The following PTK2B variants were observed in gnomAD, a reference collection of about 807,000 sequenced individuals.
PTK2B encodes the protein protein-tyrosine kinase 2-beta.
In PTK2B, 71 loss-of-function variants were observed where a neutral mutation model predicts 142.9. That is an observed-to-expected ratio of 0.50 (90% CI 0.41 to 0.61). The LOEUF (loss-of-function observed/expected upper bound fraction) is 0.61. Among genes scored for constraint, PTK2B ranks in the 20% least tolerant of loss-of-function variants. The probability of loss-of-function intolerance (pLI) is 0.00; values close to 1 mark genes in which losing one functional copy is unlikely to be tolerated. For missense variants in PTK2B, 1,105 were observed against 1,320.4 expected (o/e 0.84, Z 2.53); for synonymous variants, 519 against 503.4 (o/e 1.03, Z -0.42).
intron 1 of PTK2B, among the ~76,000 whole-genome samples, chr8:27,381,072 A>G (rs574213441): frequency 6.6e-6 from 1 of 152,308 alleles, no homozygotes; most frequent in South Asian, 2.1e-4. Flanking sequence ...TTTATGCATA[A>G]TAACTGTACA....
chr8:27,444,315 A>C, intron 23 of PTK2B, 44 bp downstream of exon 23: 44 of 1,566,632 alleles, frequency 2.8e-5, no homozygotes, highest in Non-Finnish European at 3.6e-5. Context: ...TCTACCTCTC[A>C]TCCAGGTCCT....
chr8:27,421,479 C>T lies in PTK2B; in HGVS notation c.471+735C>T, dbSNP rs574707018. 2.0e-5 allele frequency among the ~76,000 whole-genome samples: 3 copies of T among 152,306 alleles called. No individual in the cohort carries two copies. In the East Asian group the frequency reaches 5.8e-4, roughly 29 times the overall value. On this transcript the variant is annotated intron_variant, in intron 4 of 30. Coordinates refer to ENST00000346049, the MANE Select transcript of PTK2B (RefSeq NM_173176.3). ...CACTCACCCCTTCCCACTCTTTCCC[C>T]AGAGTCTCCAAAGTCATTCTTATGC...
intron 1 of PTK2B, among the ~76,000 whole-genome samples, chr8:27,358,851 C>G (rs1452698378): frequency 6.6e-6 from 1 of 151,920 alleles, no homozygotes; most frequent in Admixed American, 6.6e-5. Flanking sequence ...AAAATAAAAC[C>G]TAATAATAGG....
At chr8:27,417,958 A>C (rs780263985) in intron 2 of PTK2B, among the ~76,000 whole-genome samples, 6 of 152,186 alleles carry the variant, frequency 3.9e-5, no homozygotes, top group Non-Finnish European at 7.3e-5. Context: ...GGTCAGGGAC[A>C]GGAGAAATGG....
At chr8:27,332,116 TCC>T (rs1803788967) in intron 1 of PTK2B, among the ~76,000 whole-genome samples, 2 of 152,164 alleles carry the variant, frequency 1.3e-5, no homozygotes, top group Admixed American at 6.5e-5. Context: ...CAAGTTTGAA[TCC>T]CAGCCCCTAG....
chr8:27,383,852 A>ATTTTT (rs749255419), intron 1 of PTK2B, among the ~76,000 whole-genome samples: 2 of 116,592 alleles, frequency 1.7e-5, no homozygotes, highest in Non-Finnish European at 3.7e-5. Context: ...CACCTGGCTA[A>ATTTTT]TTTTTTTTTT....
intron 1 of PTK2B, among the ~76,000 whole-genome samples, chr8:27,326,219 CGTGTGTATGTGTGT>C (rs1563459800): frequency 7.9e-6 from 1 of 125,910 alleles, no homozygotes; most frequent in African/African-American, 3.2e-5. Context: ...CAGGGGAGCT[CGTGTGTATGTGTGT>C]GTGTGTGTGT....
chr8:27,331,427 G>A (rs1309829645), intron 1 of PTK2B, among the ~76,000 whole-genome samples: 1 of 151,904 alleles, frequency 6.6e-6, no homozygotes, highest in Admixed American at 6.6e-5. Flanking sequence ...CCCTGTGGTG[G>A]TTCTGACCAC....
chr8:27,340,366 TGCTTTACAGGTTGAGA>T (rs973878182), intron 1 of PTK2B, among the ~76,000 whole-genome samples: 2 of 152,108 alleles, frequency 1.3e-5, no homozygotes, highest in African/African-American at 4.8e-5. Context: ...TTGGGTGAGG[TGCTTTACAGGTTGAGA>T]GCACAGCATA....
rs780269175 is a variant in PTK2B, at chr8:27,451,086, G to T, written c.2523+8G>T. 1 of 1,611,342 alleles carries T rather than the reference G, an allele frequency of 6.2e-7. No homozygotes were observed. Among genetic ancestry groups the T allele is most frequent in the South Asian group, 1.1e-5 (1 of 91,016 alleles). ...AATGATAAGTCCCCATTGGTGAGTT[G>T]CCAGGAGAGGCCGCCTCCTCCATGC... On this transcript the variant is annotated splice_region_variant and intron_variant, in intron 26 of 30. Transcript: ENST00000346049.
At chr8:27,318,413 G>C (rs1477706870) in intron 3 of PTK2B, among the ~76,000 whole-genome samples, 1 of 152,176 alleles carries the variant, frequency 6.6e-6, no homozygotes, top group Non-Finnish European at 1.5e-5. Flanking sequence ...ACTCACAGGT[G>C]GGGGTTAGGG....
At chr8:27,444,534 G>A (rs1200494748) in intron 23 of PTK2B, among the ~76,000 whole-genome samples, 1 of 152,166 alleles carries the variant, frequency 6.6e-6, no homozygotes, top group Non-Finnish European at 1.5e-5. Flanking sequence ...GTGCCTGCCT[G>A]CTGCTCTCTC....
At chr8:27,413,061 G>A (rs896232622) in intron 2 of PTK2B, among the ~76,000 whole-genome samples, 4 of 150,756 alleles carry the variant, frequency 2.7e-5, no homozygotes, top group African/African-American at 7.3e-5. Flanking sequence ...ACAAGGCTAA[G>A]GACTCCCATA....
intron 6 of PTK2B, 95 bp from the exon 7 acceptor site, chr8:27,430,269 G>A (rs113108929): frequency 1.9e-6 from 3 of 1,589,658 alleles, no homozygotes; most frequent in Non-Finnish European, 2.6e-6. Context: ...GCCGTCTCTA[G>A]GTCCCAAAGC....
rs575002541 is a variant in PTK2B, at chr8:27,445,901, C to G, written c.2322C>G (p.Phe774Leu). Reference sequence around the variant, plus strand: ...CACCTCTCCACCGGCACAATGTCTTCAAACGCCACAGCATGCGGGTAAGAG... The same window carrying G: ...CACCTCTCCACCGGCACAATGTCTTGAAACGCCACAGCATGCGGGTAAGAG... ...HTPPLHRHNV[F>L]KRHSMREEDF... is the part of the protein sequence containing the mutation. The change falls in exon 24 of 31, where the codon TTC becomes TTG. Residue 774 changes from phenylalanine to leucine, a missense_variant. Physicochemically the swap from Phe to Leu is conservative, Grantham distance 22. Transcript: ENST00000346049. 6.2e-7 allele frequency: 1 copy of G among 1,613,944 alleles called. No individual in the cohort carries two copies. The highest frequency in any genetic ancestry group is 1.1e-5 in the South Asian group (1 of 91,084).
chr8:27,420,204 T>G (rs1809659440), intron 3 of PTK2B, 131 bp downstream of exon 3: 1 of 1,066,770 alleles, frequency 9.4e-7, no homozygotes, highest in East Asian at 2.6e-5. Context: ...CATTCTAGGC[T>G]TAGTCTTCCT....
chr8:27,430,060 T>A (rs1191498084), intron 5 of PTK2B, 33 bp from the exon 6 acceptor site: 5 of 1,596,900 alleles, frequency 3.1e-6, no homozygotes, highest in Non-Finnish European at 4.3e-6. Flanking sequence ...TTCTCCAGCC[T>A]TCAGCCTCCC....
intron 24 of PTK2B, among the ~76,000 whole-genome samples, chr8:27,449,531 C>T (rs1209641977): frequency 4.6e-5 from 7 of 152,238 alleles, no homozygotes; most frequent in Admixed American, 4.6e-4. Flanking sequence ...TGCAAGTGAC[C>T]TGTATGCAAA....
At chr8:27,436,921 T>A (rs917073286) in intron 15 of PTK2B, among the ~76,000 whole-genome samples, 2 of 152,070 alleles carry the variant, frequency 1.3e-5, no homozygotes. Flanking sequence ...ACAGCCCTTT[T>A]CAGTTCTAAC....
Sources: gnomAD v4.1 joint callset for allele counts (sites outside exome capture counted in the v4.1 genomes callset) on GRCh38, gnomAD v4.1.1 for gene constraint, MANE v1.5 for transcripts, NCBI Gene and HGNC (gene_info 2026-07-23, HGNC 2026-07-21) for gene names.